The following ZBBX variants were observed in gnomAD, a reference collection of about 807,000 sequenced individuals.
The protein encoded by ZBBX is zinc finger B-box domain containing.
A neutral mutation model predicts 108.5 loss-of-function variants in ZBBX; 101 were observed. That is an observed-to-expected ratio of 0.93 (90% CI 0.79 to 1.10). The LOEUF (loss-of-function observed/expected upper bound fraction) is 1.10, where lower values mean the gene tolerates loss of function less well. Ranked by LOEUF, ZBBX falls within the 50% of genes least tolerant of loss-of-function variation. The pLI, the probability that ZBBX is intolerant of heterozygous loss-of-function variation, is 0.00. For synonymous variants in ZBBX, 356 were observed against 323.4 expected (o/e 1.10, Z -1.08); for missense variants, 1,009 against 941.4 (o/e 1.07, Z -0.94).
rs369659762 is a variant in ZBBX, at chr3:167,330,862, G to A, written c.688-2746C>T. On this transcript the variant is annotated intron_variant, in intron 10 of 21. Transcript: ENST00000675490. ...AGAGGAAGAGGAGGAGGAGGAGGAG[G>A]AGGAGGAGGAGAAGAAGAAGAAGAA... 2.9e-4 allele frequency among the ~76,000 whole-genome samples: 4 copies of A among 13,564 alleles called. 1 individual carries two copies. The highest frequency in any genetic ancestry group is 9.1e-4 in the African/African-American group (3 of 3,300). The allele number at this position is 13,564 out of a possible 152,430, so 8.9% of individuals were successfully genotyped here.
intron 19 of ZBBX, among the ~76,000 whole-genome samples, chr3:167,288,010 T>C (rs1182086126): frequency 6.6e-6 from 1 of 152,088 alleles, no homozygotes; most frequent in African/African-American, 2.4e-5. Flanking sequence ...CCAAGGCAAA[T>C]AGCCCCCTTT....
chr3:167,377,946 A>G (rs905511566), intron 2 of ZBBX, among the ~76,000 whole-genome samples: 1 of 151,958 alleles, frequency 6.6e-6, no homozygotes, highest in Non-Finnish European at 1.5e-5. Context: ...CCCCCACGCT[A>G]TTTTCGTGAT....
the ZBBX span, among the ~76,000 whole-genome samples, chr3:167,181,177 G>A: frequency 4.6e-5 from 7 of 152,038 alleles, no homozygotes; most frequent in East Asian, 3.9e-4. Flanking sequence ...CACTTGAAGC[G>A]GTTCCTTCAA....
the ZBBX span, among the ~76,000 whole-genome samples, chr3:167,189,510 C>T: frequency 6.6e-6 from 1 of 152,162 alleles, no homozygotes; most frequent in Non-Finnish European, 1.5e-5. Flanking sequence ...CACACATACA[C>T]ACACATCCAC....
At position 167,368,512 on chromosome 3, in the gene ZBBX, T is replaced by C; in HGVS notation, c.131A>G (p.Lys44Arg). ...TGTGGATCGGAATTCTTGCAGTTTC[T>C]TCTCCATCTCTTGGTTCTCAAACTC... ...QLEFENQEME[K>R]KLQEFRSTRN... The change falls in exon 5 of 22, where the codon AAG (lysine) becomes AGG (arginine). Residue 44 changes from lysine to arginine, a missense_variant. Coordinates refer to ENST00000675490, the MANE Select transcript of ZBBX (RefSeq NM_001199201.2). 1 of 1,612,584 alleles carries C rather than the reference T, an allele frequency of 6.2e-7. No homozygotes were observed. The highest frequency in any genetic ancestry group is 8.5e-7 in the Non-Finnish European group (1 of 1,179,036).
chr3:167,330,582 A>T (rs1375058578), intron 10 of ZBBX, among the ~76,000 whole-genome samples: 1 of 151,840 alleles, frequency 6.6e-6, no homozygotes, highest in African/African-American at 2.4e-5. Context: ...ATCTAATAGG[A>T]TTGGTATCCT....
chr3:167,213,603 A>G, the ZBBX span, among the ~76,000 whole-genome samples: 1 of 152,206 alleles, frequency 6.6e-6, no homozygotes, highest in African/African-American at 2.4e-5. Flanking sequence ...GAGAAAACAA[A>G]CAACTTGAAA....
At chr3:167,343,624 A>C (rs902263884) in intron 9 of ZBBX, among the ~76,000 whole-genome samples, 2 of 151,942 alleles carry the variant, frequency 1.3e-5, no homozygotes, top group Non-Finnish European at 2.9e-5. Context: ...ACATGAAAAG[A>C]TGTTTGACAT....
intron 20 of ZBBX, among the ~76,000 whole-genome samples, chr3:167,263,537 CTT>C (rs1235586392): frequency 2.6e-5 from 4 of 152,214 alleles, no homozygotes; most frequent in Middle Eastern, 3.4e-3. Flanking sequence ...CAAAATTTCT[CTT>C]GTTACTGATT....
chr3:167,284,961 A>T (rs1484241407), intron 19 of ZBBX, among the ~76,000 whole-genome samples: 4 of 151,910 alleles, frequency 2.6e-5, no homozygotes, highest in African/African-American at 9.7e-5. Context: ...ATCATTCCAT[A>T]TTTTTTTTAA....
chr3:167,313,868 GT>G (rs1031271562), intron 16 of ZBBX, 105 bp downstream of exon 16: 14 of 1,064,666 alleles, frequency 1.3e-5, no homozygotes, highest in Middle Eastern at 6.7e-4. Flanking sequence ...TAGTACTGAG[GT>G]TTTTTTGGTT....
Position 167,317,112 on chromosome 3 carries a change from A to T in ZBBX, c.1094-7T>A. 6.6e-7 allele frequency: 1 copy of T among 1,525,894 alleles called. No individual in the cohort carries two copies. Among genetic ancestry groups the T allele is most frequent in the South Asian group, 1.2e-5 (1 of 86,664 alleles). 94.5% of individuals were successfully genotyped at this position (1,525,894 alleles called of 1,614,324 possible). A position where few individuals can be genotyped will look rare whatever the true frequency, so the allele number is the denominator to read the frequency against. On this transcript the variant is annotated splice_polypyrimidine_tract_variant and splice_region_variant and intron_variant, in intron 13 of 21. Coordinates refer to ENST00000675490, the MANE Select transcript of ZBBX (RefSeq NM_001199201.2). The stretch of plus-strand genomic sequence containing the variant: ...TGTACTTTGGTCTCCTCACCTAGGA[A>T]ATAAGATTCACAAATAATATCATCA...
chr3:167,180,749 G>C, the ZBBX span, among the ~76,000 whole-genome samples: 3 of 152,188 alleles, frequency 2.0e-5, no homozygotes, highest in African/African-American at 4.8e-5. Flanking sequence ...AACGCAAACT[G>C]TTCACAGTCT....
At chr3:167,377,035 T>A (rs1319988199) in intron 2 of ZBBX, among the ~76,000 whole-genome samples, 1 of 152,214 alleles carries the variant, frequency 6.6e-6, no homozygotes, top group Non-Finnish European at 1.5e-5. Flanking sequence ...CAGTTTTTTT[T>A]ATAACTAAAT....
the ZBBX span, among the ~76,000 whole-genome samples, chr3:167,216,707 C>T: frequency 6.6e-6 from 1 of 152,066 alleles, no homozygotes; most frequent in African/African-American, 2.4e-5. Context: ...AGTCATGTTA[C>T]CTGACTTCAA....
At chr3:167,384,115 T>C (rs1577141492), upstream of ZBBX, among the ~76,000 whole-genome samples, 1 of 152,114 alleles carries the variant, frequency 6.6e-6, no homozygotes, top group African/African-American at 2.4e-5. Context: ...AGCAGATCTT[T>C]AAGCATCTCA....
chr3:167,353,619 C>T (rs1316002977), intron 8 of ZBBX, among the ~76,000 whole-genome samples: 1 of 151,954 alleles, frequency 6.6e-6, no homozygotes, highest in Admixed American at 6.6e-5. Flanking sequence ...ATCCAGATAA[C>T]ACAACTTCAC....
At chr3:167,334,823 G>A (rs188970115) in intron 9 of ZBBX, among the ~76,000 whole-genome samples, 6 of 152,156 alleles carry the variant, frequency 3.9e-5, no homozygotes, top group African/African-American at 1.4e-4. Context: ...CTACTCCATG[G>A]TGATAAAACG....
chr3:167,400,497 A>G (rs1432650592), intron 1 of ZBBX, among the ~76,000 whole-genome samples: 2 of 152,048 alleles, frequency 1.3e-5, no homozygotes. Flanking sequence ...GGCCACTTGT[A>G]TGTCTTGAAT....
Sources: gnomAD v4.1 joint callset for allele counts (sites outside exome capture counted in the v4.1 genomes callset) on GRCh38, gnomAD v4.1.1 for gene constraint, MANE v1.5 for transcripts, NCBI Gene and HGNC (gene_info 2026-07-23, HGNC 2026-07-21) for gene names.